HDAC9: variants seen among roughly 807,000 people sequenced by gnomAD.
HDAC9 encodes the protein MEF-2 interacting transcription repressor (MITR) protein.
A neutral mutation model predicts 139.4 loss-of-function variants in HDAC9; 41 were observed. The observed-to-expected ratio is 0.29, with a 90% CI of 0.23 to 0.38. The LOEUF is 0.38. Ranked by LOEUF, HDAC9 falls within the 10% of genes least tolerant of loss-of-function variation. HDAC9 has a pLI of 1.00. For missense variants in HDAC9, 1,147 were observed against 1,297.0 expected (o/e 0.88, Z 1.78); for synonymous variants, 517 against 476.2 (o/e 1.09, Z -1.12).
At chr7:18,275,262 G>C (rs1294551981) in intron 2 of HDAC9, among the ~76,000 whole-genome samples, 1 of 152,094 alleles carries the variant, frequency 6.6e-6, no homozygotes, top group Non-Finnish European at 1.5e-5. Flanking sequence ...ATAAGGAGAG[G>C]CCTGTTATTC....
At chr7:18,724,421 A>G (rs1311519861) in intron 12 of HDAC9, among the ~76,000 whole-genome samples, 1 of 152,328 alleles carries the variant, frequency 6.6e-6, no homozygotes, top group African/African-American at 2.4e-5. Context: ...ATATAAATAC[A>G]GTTTATTATA....
chr7:18,658,899 C>CA (rs11306117), intron 11 of HDAC9, among the ~76,000 whole-genome samples: 20,194 of 117,888 alleles, frequency 0.17, 1,363 homozygotes, highest in African/African-American at 0.18. Context: ...AAAAAAAAAG[C>CA]AAAAAAAAAA....
intron 16 of HDAC9, among the ~76,000 whole-genome samples, chr7:18,784,943 TTGTGTGTGTGTG>T (rs147840943): frequency 1.6e-3 from 44 of 28,174 alleles, no homozygotes; most frequent in African/African-American, 2.5e-3. Context: ...TAGCAATTGC[TTGTGTGTGTGTG>T]TGTGTGTGTG....
At chr7:18,240,309 A>T (rs571772677) in intron 2 of HDAC9, among the ~76,000 whole-genome samples, 25 of 151,298 alleles carry the variant, frequency 1.7e-4, no homozygotes, top group Non-Finnish European at 3.2e-4. Context: ...GATATTTTCT[A>T]CTGGGGTCCT....
chr7:18,218,642 G>A (rs187279086), intron 2 of HDAC9, among the ~76,000 whole-genome samples: 1 of 152,002 alleles, frequency 6.6e-6, no homozygotes, highest in Non-Finnish European at 1.5e-5. Flanking sequence ...TTACGCTTAG[G>A]TCCACCATTC....
intron 8 of HDAC9, among the ~76,000 whole-genome samples, chr7:18,637,913 G>A (rs970548046): frequency 2.6e-5 from 4 of 151,486 alleles, no homozygotes; most frequent in African/African-American, 9.7e-5. Flanking sequence ...CACCCAAACT[G>A]GAGAAAAGAA....
At chr7:18,926,272 C>T (rs759143505) in intron 22 of HDAC9, among the ~76,000 whole-genome samples, 1 of 151,984 alleles carries the variant, frequency 6.6e-6, no homozygotes, top group African/African-American at 2.4e-5. Flanking sequence ...TGTTTGGGCC[C>T]TGTAATTTTA....
At chr7:18,541,147 T>TTG (rs1169975623) in intron 2 of HDAC9, among the ~76,000 whole-genome samples, 2 of 146,742 alleles carry the variant, frequency 1.4e-5, no homozygotes, top group Admixed American at 6.8e-5. Flanking sequence ...CCGTGTTTTT[T>TTG]TTTTTTTTTT....
chr7:18,206,930 CT>C (rs58248823), intron 2 of HDAC9, among the ~76,000 whole-genome samples: 80,026 of 124,340 alleles, frequency 0.64, 22,059 homozygotes, highest in South Asian at 0.75. Flanking sequence ...GATATCTTTT[CT>C]TTTTTTTTTT....
Position 18,982,349 on chromosome 7 carries a change from A to G in HDAC9, c.3170+6396A>G, listed in dbSNP as rs1308385627. Among the ~76,000 whole-genome samples, 6 of 152,052 alleles carry G rather than the reference A, an allele frequency of 3.9e-5. No homozygotes were observed. In the East Asian group the frequency reaches 9.7e-4, roughly 24 times the overall value. Reference sequence around the variant, plus strand: ...GCTTGAAACCCTTCAATACTTTTCCATTTCCATTAACATAAAGATCATCAT... The same window carrying G: ...GCTTGAAACCCTTCAATACTTTTCCGTTTCCATTAACATAAAGATCATCAT... On this transcript the variant is annotated intron_variant, in intron 25 of 25. Coordinates refer to ENST00000686413, the MANE Select transcript of HDAC9 (RefSeq NM_178425.4).
intron 3 of HDAC9, 39 bp downstream of exon 3, chr7:18,585,561 T>C (rs1356032464): frequency 1.9e-6 from 3 of 1,605,018 alleles, no homozygotes; most frequent in Admixed American, 1.7e-5. Context: ...TACTCAGGAG[T>C]CTGCACCGTG....
chr7:18,550,880 T>C (rs115866526), intron 2 of HDAC9, among the ~76,000 whole-genome samples: 2,901 of 152,248 alleles, frequency 0.019, 101 homozygotes, highest in African/African-American at 0.065. Flanking sequence ...AGCAAAATAG[T>C]CAGCCATGGC....
intron 1 of HDAC9, among the ~76,000 whole-genome samples, chr7:18,446,371 G>A (rs953909762): frequency 2.1e-5 from 3 of 145,254 alleles, no homozygotes; most frequent in Admixed American, 6.7e-5. Flanking sequence ...ATGCCTAGTC[G>A]GGGGGTGGGT....
At chr7:18,823,548 A>G (rs1795144172) in intron 17 of HDAC9, among the ~76,000 whole-genome samples, 1 of 152,110 alleles carries the variant, frequency 6.6e-6, no homozygotes, top group South Asian at 2.1e-4. Context: ...GATTGAAAGT[A>G]TGTCTGTGCC....
chr7:18,843,992 G>C (rs935814896), intron 21 of HDAC9, among the ~76,000 whole-genome samples: 2 of 152,296 alleles, frequency 1.3e-5, no homozygotes, highest in Non-Finnish European at 2.9e-5. Context: ...CTTTCAGAGA[G>C]TAGTTCAAGT....
At chr7:18,444,090 G>A in intron 1 of HDAC9, among the ~76,000 whole-genome samples, 1 of 151,868 alleles carries the variant, frequency 6.6e-6, no homozygotes, top group East Asian at 1.9e-4. Flanking sequence ...TGTGATCCCA[G>A]AACTTTGGGT....
intron 2 of HDAC9, among the ~76,000 whole-genome samples, chr7:18,283,531 G>T (rs1023410091): frequency 6.6e-6 from 1 of 152,148 alleles, no homozygotes. Flanking sequence ...TTTAACAGTG[G>T]TATGGCTATT....
rs72216267 is a variant in HDAC9, at chr7:18,941,159, CT to C, written c.2937+5227del. Among the ~76,000 whole-genome samples the C allele has an allele frequency of 8.0e-4, 119 of 148,930 alleles. 1 individual carries two copies. Among genetic ancestry groups the C allele is most frequent in the African/African-American group, 2.4e-3 (98 of 40,524 alleles). On this transcript the variant is annotated intron_variant, in intron 23 of 25. Coordinates refer to ENST00000686413, the MANE Select transcript of HDAC9 (RefSeq NM_178425.4). ...ATTCTGATTTCTTTTTTTGTCTCTT[CT>C]TTTTTTTTTCTTTTCTTTCCCTCCC...
Position 18,762,411 on chromosome 7 carries a change from G to C in HDAC9, c.2164+134G>C, listed in dbSNP as rs1299819585. 9 of 894,968 alleles carry C rather than the reference G, an allele frequency of 1.0e-5. No homozygotes were observed. In the South Asian group the frequency reaches 1.0e-4, roughly 10 times the overall value. 55.4% of individuals were successfully genotyped at this position (894,968 alleles called of 1,614,324 possible). On this transcript the variant is annotated intron_variant, in intron 15 of 25. Transcript: ENST00000686413. ...TTTTCCAACAGCTTTGCTCTGTGGA[G>C]TGAGTCATTTGCAACAGAAGCCATT... is the stretch of plus-strand genomic sequence containing the variant.
Sources: gnomAD v4.1 joint callset for allele counts (sites outside exome capture counted in the v4.1 genomes callset) on GRCh38, gnomAD v4.1.1 for gene constraint, MANE v1.5 for transcripts, NCBI Gene and HGNC (gene_info 2026-07-23, HGNC 2026-07-21) for gene names.